The following FAM78A variants were observed in gnomAD, a reference collection of about 807,000 sequenced individuals.
The protein encoded by FAM78A is family with sequence similarity 78 member A.
FAM78A carries 12 observed loss-of-function variants against 22.6 expected under a neutral mutation model. The ratio of observed to expected loss-of-function variants is 0.53; its 90% CI spans 0.34 to 0.86. The LOEUF (loss-of-function observed/expected upper bound fraction) is 0.86, where lower values mean the gene tolerates loss of function less well. FAM78A is among the 40% of genes least tolerant of loss of function. The pLI is 0.02. For missense variants in FAM78A, 322 were observed against 396.1 expected (o/e 0.81, Z 1.59); for synonymous variants, 151 against 155.8 (o/e 0.97, Z 0.23).
chr9:131,271,851 G>A (rs1004971048), intron 1 of FAM78A, among the ~76,000 whole-genome samples: 3 of 152,112 alleles, frequency 2.0e-5, no homozygotes, highest in South Asian at 2.1e-4. Flanking sequence ...TTGAGGAATT[G>A]CGGGGGCCGG....
upstream of FAM78A, among the ~76,000 whole-genome samples, chr9:131,281,006 T>C (rs1407558853): frequency 6.6e-6 from 1 of 152,004 alleles, no homozygotes; most frequent in Non-Finnish European, 1.5e-5. Context: ...GACTGGGATA[T>C]AGTGGGCGCT....
rs1835485532 is a variant in FAM78A at position 131,276,430 on chromosome 9, T to G, written c.-251A>C. The G allele has an allele frequency of 1.4e-5, 6 of 415,454 alleles. No homozygotes were observed. In the East Asian group the frequency reaches 2.5e-4, roughly 17 times the overall value. The allele number at this position is 415,454 out of a possible 1,614,324, so 25.7% of individuals were successfully genotyped here. ...AAAAGTTTGTAGTTTAATGAATAAT[T>G]ATGCGGTTCTGACATCCAGCCCTTC... On this transcript the variant is annotated 5_prime_UTR_variant, in exon 1 of 2. Transcript: ENST00000372271. The surrounding 1 kb of genome is among the most constrained non-coding windows in gnomAD (Gnocchi z 4.3).
upstream of FAM78A, among the ~76,000 whole-genome samples, chr9:131,278,806 C>A (rs956388441): frequency 5.3e-5 from 8 of 152,250 alleles, 1 homozygote; most frequent in Non-Finnish European, 1.5e-5. Flanking sequence ...ATTAAAGCCA[C>A]GCTCTTCGTC....
intron 1 of FAM78A, among the ~76,000 whole-genome samples, chr9:131,267,155 C>A (rs979507552): frequency 6.6e-6 from 1 of 152,328 alleles, no homozygotes; most frequent in East Asian, 1.9e-4. Flanking sequence ...GGTCCCCAAC[C>A]TGACCCAGCT....
At position 131,259,410 on chromosome 9, in the gene FAM78A, T is replaced by G. The variant is rs1305221439; in HGVS notation, c.*1412A>C. The stretch of plus-strand genomic sequence containing the variant: ...CACTGTGCCAGCCCAGCCTCCAGAG[T>G]GGCTCTGAACCCTCTCGACGATAAG... On this transcript the variant is annotated 3_prime_UTR_variant, in exon 2 of 2. Transcript: ENST00000372271. The G allele has an allele frequency of 6.6e-6, 1 of 152,294 alleles. No individual in the cohort carries two copies. Among genetic ancestry groups the G allele is most frequent in the African/African-American group, 2.4e-5 (1 of 41,422 alleles). The allele number at this position is 152,294 out of a possible 1,614,324, so 9.4% of individuals were successfully genotyped here. A position where few individuals can be genotyped will look rare whatever the true frequency, so the allele number is the denominator to read the frequency against.
chr9:131,272,101 G>A lies in FAM78A; in HGVS notation c.323+3756C>T, dbSNP rs1835428458. On this transcript the variant is annotated intron_variant, in intron 1 of 1. Transcript: ENST00000372271. The surrounding 1 kb of genome is among the most constrained non-coding windows in gnomAD (Gnocchi z 4.1). The stretch of plus-strand genomic sequence containing the variant: ...TAAAAAGTTATCCTCTTGGCTTAGG[G>A]ATTAATTTTAAGCAGGGATAACGTT... Among the ~76,000 whole-genome samples the A allele has an allele frequency of 6.6e-6, 1 of 152,084 alleles. No individual in the cohort carries two copies. Among genetic ancestry groups the A allele is most frequent in the African/African-American group, 2.4e-5 (1 of 41,396 alleles).
chr9:131,273,293 G>A (rs1405284823), intron 1 of FAM78A, among the ~76,000 whole-genome samples: 1 of 152,252 alleles, frequency 6.6e-6, no homozygotes, highest in Non-Finnish European at 1.5e-5. Flanking sequence ...TAGGAGCCAA[G>A]ACACGTGGAC....
In FAM78A at chr9:131,261,331, C is replaced by G; in HGVS notation, c.343G>C (p.Asp115His). 4.4e-6 allele frequency: 7 copies of G among 1,591,664 alleles called. No homozygotes were observed. Among genetic ancestry groups the G allele is most frequent in the Non-Finnish European group, 6.0e-6 (7 of 1,174,950 alleles). ...GCTTGGATCTTGCCCTCCTGGAGGT[C>G]GGGGAGCTCCCAGCTGGACCTGAGG... Reference protein sequence around the residue: ...EQGMSSWELPDLQEGKIQAIS... With the variant: ...EQGMSSWELPHLQEGKIQAIS... Residue 115 changes from aspartate to histidine, a missense_variant, in exon 2 of 2, where the codon GAC becomes CAC. Physicochemically the swap from Asp to His is moderately conservative, Grantham distance 81. Transcript: ENST00000372271. This position sits in a 1 kb window ranked among gnomAD's most constrained non-coding sequence, Gnocchi z 7.1.
rs1336875785 is a variant in FAM78A, at chr9:131,259,124, GA to G, written c.*1697del. ...CAGAAATGGATTATTTTTCTAAATGGACGGTTTTCTGTGCTTGATAATTATT... is the reference window on the plus strand; with the variant it reads ...CAGAAATGGATTATTTTTCTAAATGGCGGTTTTCTGTGCTTGATAATTATT... On this transcript the variant is annotated 3_prime_UTR_variant, in exon 2 of 2. Coordinates refer to ENST00000372271, the MANE Select transcript of FAM78A (RefSeq NM_033387.4). 2 of 152,688 alleles carry G rather than the reference GA, an allele frequency of 1.3e-5. No homozygotes were observed. Among genetic ancestry groups the G allele is most frequent in the African/African-American group, 4.8e-5 (2 of 41,458 alleles). The allele number at this position is 152,688 out of a possible 1,614,324, so 9.5% of individuals were successfully genotyped here. A position where few individuals can be genotyped will look rare whatever the true frequency, so the allele number is the denominator to read the frequency against.
At chr9:131,279,209 A>G (rs530777513), upstream of FAM78A, among the ~76,000 whole-genome samples, 1 of 152,194 alleles carries the variant, frequency 6.6e-6, no homozygotes. Flanking sequence ...GGCCTGTTGG[A>G]CACAGTAGAA....
intron 1 of FAM78A, chr9:131,270,463 G>C: frequency 1.4e-6 from 1 of 717,196 alleles, no homozygotes; most frequent in Non-Finnish European, 2.6e-6. Context: ...GCCTCACTTG[G>C]TCTCCAATGT....
chr9:131,261,214 A>G lies in FAM78A; in HGVS notation c.460T>C (p.Phe154Leu), dbSNP rs1045458671. The stretch of plus-strand genomic sequence containing the variant: ...AAGTTGTCATTCATGCTGATGATGA[A>G]CTTGGAGTCCCTCTTGGTGGGGCCC... ...IVGPTKRDSKFIISMNDNFYP... is the reference protein window; with the variant it reads ...IVGPTKRDSKLIISMNDNFYP... Residue 154 changes from phenylalanine to leucine, a missense_variant, in exon 2 of 2, where the codon TTC becomes CTC. By Grantham distance (22) the Phe-to-Leu change is conservative. Coordinates refer to ENST00000372271, the MANE Select transcript of FAM78A (RefSeq NM_033387.4). The surrounding 1 kb of genome is among the most constrained non-coding windows in gnomAD (Gnocchi z 7.1). 1.6e-5 allele frequency: 26 copies of G among 1,612,898 alleles called. No homozygotes were observed. The highest frequency in any genetic ancestry group is 2.2e-5 in the Non-Finnish European group (26 of 1,179,892).
rs1835241748 is a variant in FAM78A, at chr9:131,260,036, G to A, written c.*786C>T. On this transcript the variant is annotated 3_prime_UTR_variant, in exon 2 of 2. Transcript: ENST00000372271. This position sits in a 1 kb window ranked among gnomAD's most constrained non-coding sequence, Gnocchi z 5.4. ...GAGCTCACAGCCCCTCTCCGCAGGT[G>A]CAGGGATACGACCTGGGGGTGGAGG... is the stretch of plus-strand genomic sequence containing the variant. The A allele has an allele frequency of 6.5e-6, 1 of 152,674 alleles. No individual in the cohort carries two copies. The highest frequency in any genetic ancestry group is 2.4e-5 in the African/African-American group (1 of 41,472). 9.5% of individuals were successfully genotyped at this position (152,674 alleles called of 1,614,324 possible). A position where few individuals can be genotyped will look rare whatever the true frequency, so the allele number is the denominator to read the frequency against.
chr9:131,261,532 G>A lies in FAM78A; in HGVS notation c.324-182C>T, dbSNP rs1461901512. Among the ~76,000 whole-genome samples the A allele has an allele frequency of 1.3e-5, 2 of 152,142 alleles. No homozygotes were observed. Among genetic ancestry groups the A allele is most frequent in the East Asian group, 1.9e-4 (1 of 5,172 alleles). ...GTAGCTCGGAGTCACTGTCATCACT[G>A]CTGCTGTTACAATCATAACCCTCAG... On this transcript the variant is annotated intron_variant, in intron 1 of 1. Coordinates refer to ENST00000372271, the MANE Select transcript of FAM78A (RefSeq NM_033387.4). The surrounding 1 kb of genome is among the most constrained non-coding windows in gnomAD (Gnocchi z 7.1).
At chr9:131,262,502 C>T (rs1481636494) in intron 1 of FAM78A, among the ~76,000 whole-genome samples, 2 of 149,660 alleles carry the variant, frequency 1.3e-5, no homozygotes, top group African/African-American at 2.5e-5. Flanking sequence ...GCACTCCCAA[C>T]TGGACGCAGT....
At chr9:131,277,787 G>C (rs1001648975), upstream of FAM78A, among the ~76,000 whole-genome samples, 61 of 151,264 alleles carry the variant, frequency 4.0e-4, no homozygotes, top group Non-Finnish European at 7.7e-4. The surrounding 1 kb of genome is among the most constrained non-coding windows in gnomAD (Gnocchi z 8.4). Flanking sequence ...CACCCCGCGC[G>C]CCTCCTTTAT....
chr9:131,281,025 C>T (rs1389188755), upstream of FAM78A, among the ~76,000 whole-genome samples: 2 of 152,176 alleles, frequency 1.3e-5, no homozygotes, highest in Admixed American at 6.5e-5. Context: ...CTCTCACCAG[C>T]ATTCCTTGCA....
Position 131,272,506 on chromosome 9 carries a change from C to T in FAM78A, c.323+3351G>A, listed in dbSNP as rs569721417. Among the ~76,000 whole-genome samples, 8 of 152,372 alleles carry T rather than the reference C, an allele frequency of 5.3e-5. No individual in the cohort carries two copies. The highest frequency in any genetic ancestry group is 1.9e-4 in the African/African-American group (8 of 41,588). On this transcript the variant is annotated intron_variant, in intron 1 of 1. Transcript: ENST00000372271. The surrounding 1 kb of genome is among the most constrained non-coding windows in gnomAD (Gnocchi z 4.1). The stretch of plus-strand genomic sequence containing the variant: ...TTACCTGACCCTGGGCCAGGCAGAG[C>T]AGAGGAACAATTCTGGGCTGGTTGG...
At position 131,265,046 on chromosome 9, in the gene FAM78A, T is replaced by C. The variant is rs987021926; in HGVS notation, c.324-3696A>G. Among the ~76,000 whole-genome samples, 3 of 152,010 alleles carry C rather than the reference T, an allele frequency of 2.0e-5. No individual in the cohort carries two copies. Among genetic ancestry groups the C allele is most frequent in the African/African-American group, 7.2e-5 (3 of 41,386 alleles). ...GCCGAATTATTTTTATATGAACTTG[T>C]TTCTCTTCTCTATTAAATTTCTATT... On this transcript the variant is annotated intron_variant, in intron 1 of 1. Transcript: ENST00000372271. The surrounding 1 kb of genome is among the most constrained non-coding windows in gnomAD (Gnocchi z 4.3).
Sources: allele counts gnomAD v4.1 joint callset (sites outside exome capture counted in the v4.1 genomes callset), GRCh38; gene constraint gnomAD v4.1.1; non-coding constraint Gnocchi (gnomAD v3.1); transcripts MANE v1.5; gene names NCBI Gene and HGNC (gene_info 2026-07-23, HGNC 2026-07-21).